GEMIN5: variants seen among roughly 807,000 people sequenced by gnomAD.
GEMIN5 encodes the protein gem-associated protein 5.
Under a neutral mutation model 176.9 loss-of-function variants are expected in GEMIN5, and 124 were observed. The observed-to-expected ratio is 0.70, with a 90% CI of 0.61 to 0.81. GEMIN5 has a LOEUF of 0.81. Ranked by LOEUF, GEMIN5 falls within the 40% of genes least tolerant of loss-of-function variation. The pLI is 0.00. For synonymous variants in GEMIN5, 673 were observed against 665.2 expected (o/e 1.01, Z -0.18); for missense variants, 1,843 against 1,814.6 (o/e 1.02, Z -0.28).
chr5:154,921,230 C>T, intron 10 of GEMIN5, 113 bp downstream of exon 10: 1 of 661,788 alleles, frequency 1.5e-6, no homozygotes, highest in Non-Finnish European at 2.7e-6. Flanking sequence ...AAGTAGCCCA[C>T]ATAAGCAGTC....
intron 14 of GEMIN5, among the ~76,000 whole-genome samples, chr5:154,912,175 T>C (rs1226643255): frequency 1.3e-5 from 2 of 152,190 alleles, no homozygotes; most frequent in Non-Finnish European, 2.9e-5. Context: ...CTCGAACCAA[T>C]ACTGTATGTT....
At position 154,917,056 on chromosome 5, in the gene GEMIN5, C is replaced by G; in HGVS notation, c.1797G>C (p.Leu599=). 6.2e-7 allele frequency: 1 copy of G among 1,609,146 alleles called. No individual in the cohort carries two copies. ...EHGSQPELSY[L]MASGSNNAVI... ...CTGCATTGTTGGAGCCAGAGGCCAT[C>G]AGATAGCTCAATTCTGGCTGGCTGC... is the stretch of plus-strand genomic sequence containing the variant. Residue 599 remains leucine, a synonymous_variant, in exon 13 of 28, where the codon CTG becomes CTC. Coordinates refer to ENST00000285873, the MANE Select transcript of GEMIN5 (RefSeq NM_015465.5).
chr5:154,911,911 G>T lies in GEMIN5; in HGVS notation c.1996-13C>A. 1 of 1,607,364 alleles carries T rather than the reference G, an allele frequency of 6.2e-7. No homozygotes were observed. The highest frequency in any genetic ancestry group is 8.5e-7 in the Non-Finnish European group (1 of 1,177,070). On this transcript the variant is annotated splice_polypyrimidine_tract_variant and intron_variant, in intron 14 of 27. Coordinates refer to ENST00000285873, the MANE Select transcript of GEMIN5 (RefSeq NM_015465.5). The stretch of plus-strand genomic sequence containing the variant: ...GAGCATCCCACACCTAAACCCAAAA[G>T]CACATGGCCGAAAAGACATTTTCTG...
chr5:154,891,569 C>G lies in GEMIN5; in HGVS notation c.3934G>C (p.Val1312Leu). Residue 1312 changes from valine to leucine, a missense_variant, in exon 26 of 28, where the codon GTT (valine) becomes CTT (leucine). Physicochemically the swap from Val to Leu is conservative, Grantham distance 32. Transcript: ENST00000285873. ...GTGTCTAACTGCTGGCTTGGCTCAA[C>G]AGAGAGTGTTCTGTGACCAGCCCTT... ...WVRAGHRTLS[V>L]EPSQQLDTAS... 1 of 1,614,138 alleles carries G rather than the reference C, an allele frequency of 6.2e-7. No homozygotes were observed. Among genetic ancestry groups the G allele is most frequent in the Non-Finnish European group, 8.5e-7 (1 of 1,180,022 alleles).
At chr5:154,917,815 C>A (rs1358474898) in intron 12 of GEMIN5, 116 bp downstream of exon 12, 1 of 716,402 alleles carries the variant, frequency 1.4e-6, no homozygotes, top group South Asian at 1.5e-5. Flanking sequence ...AAGAATAAAT[C>A]AAAATACCAA....
At chr5:154,930,656 C>G (rs1489150750) in intron 5 of GEMIN5, among the ~76,000 whole-genome samples, 3 of 152,062 alleles carry the variant, frequency 2.0e-5, no homozygotes. Flanking sequence ...AATCATAGAG[C>G]TGAAAGCAGA....
Position 154,896,233 on chromosome 5 carries a change from G to T in GEMIN5, c.3456C>A (p.Thr1152=), listed in dbSNP as rs753949845. 3 of 1,613,856 alleles carry T rather than the reference G, an allele frequency of 1.9e-6. No individual in the cohort carries two copies. In the East Asian group the frequency reaches 6.7e-5, roughly 36 times the overall value. ...SSSYHTWNTG[T]EGPFVERVTA... The stretch of plus-strand genomic sequence containing the variant: ...TCACCCTCTCCACGAAAGGCCCTTC[G>T]GTGCCCGTGTTCCAAGTGTGGTAAG... Residue 1152 remains threonine (T), a synonymous_variant, in exon 24 of 28, where the codon ACC becomes ACA. Transcript: ENST00000285873.
intron 9 of GEMIN5, among the ~76,000 whole-genome samples, chr5:154,924,105 A>G (rs1763979574): frequency 6.6e-6 from 1 of 152,250 alleles, no homozygotes; most frequent in Non-Finnish European, 1.5e-5. Flanking sequence ...AATTTTCTTT[A>G]AATATTAAGA....
rs1018556756 is a variant in GEMIN5 at position 154,901,925 on chromosome 5, C to T, written c.2867-439G>A. On this transcript the variant is annotated intron_variant, in intron 20 of 27. Coordinates refer to ENST00000285873, the MANE Select transcript of GEMIN5 (RefSeq NM_015465.5). ...AGGTGATCCTCCCACCACAGCCTCC[C>T]GAGTAGCGGGGACTACAGGTACATG... Among the ~76,000 whole-genome samples, 28 of 152,102 alleles carry T rather than the reference C, an allele frequency of 1.8e-4. 1 individual carries two copies. Among genetic ancestry groups the T allele is most frequent in the Admixed American group, 1.8e-3 (28 of 15,276 alleles).
chr5:154,934,559 G>A (rs539626304), intron 3 of GEMIN5, among the ~76,000 whole-genome samples: 5 of 152,060 alleles, frequency 3.3e-5, no homozygotes, highest in Non-Finnish European at 4.4e-5. Context: ...TGATCCACCC[G>A]CCTCGGCCTC....
rs541258213 is a variant in GEMIN5, at chr5:154,926,784, G to A, written c.1080+601C>T. ...CACTAGGCCAGGCGCCGTGGCTCAC[G>A]CCTGTAATCCCAGCACTTTGGGAGG... On this transcript the variant is annotated intron_variant, in intron 7 of 27. Coordinates refer to ENST00000285873, the MANE Select transcript of GEMIN5 (RefSeq NM_015465.5). 2.6e-5 allele frequency among the ~76,000 whole-genome samples: 4 copies of A among 152,310 alleles called. No individual in the cohort carries two copies. In the East Asian group the frequency reaches 5.8e-4, roughly 22 times the overall value.
At chr5:154,918,273 T>C (rs1182205932) in intron 11 of GEMIN5, among the ~76,000 whole-genome samples, 4 of 152,196 alleles carry the variant, frequency 2.6e-5, no homozygotes, top group Non-Finnish European at 5.9e-5. Context: ...AAATATATAC[T>C]TAATTAAACT....
Position 154,902,694 on chromosome 5 carries a change from A to G in GEMIN5, c.2729-18T>C. ...ACCTTTTCCTGTTTGAAAGAGAGAT[A>G]ATGTTTGGAAGGTGTTTCAGAAACA... On this transcript the variant is annotated intron_variant, in intron 19 of 27. Transcript: ENST00000285873. 1 of 1,612,042 alleles carries G rather than the reference A, an allele frequency of 6.2e-7. No homozygotes were observed. Among genetic ancestry groups the G allele is most frequent in the Non-Finnish European group, 8.5e-7 (1 of 1,178,614 alleles).
chr5:154,908,873 C>T (rs1282193950), intron 15 of GEMIN5, among the ~76,000 whole-genome samples: 2 of 152,186 alleles, frequency 1.3e-5, no homozygotes, highest in Admixed American at 6.5e-5. Flanking sequence ...TAAGTATTTG[C>T]ATCTACTAGT....
At chr5:154,923,335 G>A (rs1361013357) in intron 9 of GEMIN5, among the ~76,000 whole-genome samples, 1 of 151,772 alleles carries the variant, frequency 6.6e-6, no homozygotes, top group Non-Finnish European at 1.5e-5. Context: ...AGCTGAGATC[G>A]TACCACTGCA....
intron 17 of GEMIN5, among the ~76,000 whole-genome samples, chr5:154,904,955 G>C (rs1336454410): frequency 1.3e-5 from 2 of 152,232 alleles, no homozygotes; most frequent in Admixed American, 6.5e-5. Context: ...CACTTTGGGA[G>C]GCTGAGGCGG....
rs577226614 is a variant in GEMIN5, at chr5:154,896,423, A to G, written c.3346-80T>C. 19 of 1,400,608 alleles carry G rather than the reference A, an allele frequency of 1.4e-5. No homozygotes were observed. In the East Asian group the frequency reaches 2.9e-4, roughly 22 times the overall value. The allele number at this position is 1,400,608 out of a possible 1,614,324, so 86.8% of individuals were successfully genotyped here. ...TCTCGAGAGCTCTCCCGTGTCCTTC[A>G]AAGTATTTCCCTTTGTATCTGCAGC... On this transcript the variant is annotated intron_variant, in intron 23 of 27. Transcript: ENST00000285873.
chr5:154,911,754 T>C lies in GEMIN5; in HGVS notation c.2140A>G (p.Met714Val). 1 of 1,614,030 alleles carries C rather than the reference T, an allele frequency of 6.2e-7. No homozygotes were observed. The highest frequency in any genetic ancestry group is 1.1e-5 in the South Asian group (1 of 91,072). The change falls in exon 15 of 28, where the codon ATG becomes GTG. Residue 714 changes from methionine (M) to valine (V), a missense_variant. By Grantham distance (21) the Met-to-Val change is conservative (BLOSUM62 1). Transcript: ENST00000285873. ...DFCVHKWLTS[M>V]QDHSRPPQGK... ...TGAGGAGGCCGGGAATGATCTTGCA[T>C]GGAAGTGAGCCACTTGTGCACACAA...
In GEMIN5 at chr5:154,907,802, T is replaced by C; in HGVS notation, c.2184A>G (p.Glu728=). 6.2e-7 allele frequency: 1 copy of C among 1,601,680 alleles called. No individual in the cohort carries two copies. The highest frequency in any genetic ancestry group is 1.1e-5 in the South Asian group (1 of 90,570). ...GTTGAGAGAGCCGTTTTTTCTCCAATTCAATACTTTTTTTGCCTACAAGAA... is the reference window on the plus strand; with the variant it reads ...GTTGAGAGAGCCGTTTTTTCTCCAACTCAATACTTTTTTTGCCTACAAGAA... The part of the protein sequence containing the change: ...SRPPQGKKSI[E]LEKKRLSQPK... Residue 728 remains glutamate, a synonymous_variant, in exon 16 of 28, where the codon GAA becomes GAG. Coordinates refer to ENST00000285873, the MANE Select transcript of GEMIN5 (RefSeq NM_015465.5).
Sources: allele counts gnomAD v4.1 joint callset (sites outside exome capture counted in the v4.1 genomes callset), GRCh38; gene constraint gnomAD v4.1.1; transcripts MANE v1.5; gene names NCBI Gene and HGNC (gene_info 2026-07-23, HGNC 2026-07-21).